Variants in DNM1L observed in about 807,000 individuals in gnomAD.
The protein encoded by DNM1L is dynamin-1-like protein.
In DNM1L, 33 loss-of-function variants were observed where a neutral mutation model predicts 92.8. That is an observed-to-expected ratio of 0.36 (90% CI 0.27 to 0.48). The LOEUF (loss-of-function observed/expected upper bound fraction) is 0.48, where lower values mean the gene tolerates loss of function less well. Ranked by LOEUF, DNM1L falls within the 20% of genes least tolerant of loss-of-function variation. The pLI, the probability that DNM1L is intolerant of heterozygous loss-of-function variation, is 0.99. For synonymous variants in DNM1L, 284 were observed against 305.0 expected, an observed-to-expected ratio of 0.93 and a Z score of 0.72; for missense variants, 485 against 888.8, an observed-to-expected ratio of 0.55 and a Z score of 5.78.
In DNM1L at chr12:32,731,945, T is replaced by G. The variant is rs1954581900; in HGVS notation, c.1446+2T>G. On this transcript the variant is annotated splice_donor_variant, in intron 12 of 19. Transcript: ENST00000549701. LOFTEE classifies it high-confidence loss of function. The surrounding 1 kb of genome is among the most constrained non-coding windows in gnomAD (Gnocchi z 5.1). ...AGGTTGCCTGTTACAAATGAAATGGTGAGCTACTATAGCATAGATCATTGT... is the reference window on the plus strand; with the variant it reads ...AGGTTGCCTGTTACAAATGAAATGGGGAGCTACTATAGCATAGATCATTGT... 1 of 1,605,852 alleles carries G rather than the reference T, an allele frequency of 6.2e-7. No homozygotes were observed. Among genetic ancestry groups the G allele is most frequent in the South Asian group, 1.1e-5 (1 of 90,908 alleles).
chr12:32,717,376 T>TATATATAATATATAGTATATATA (rs1367160249), intron 6 of DNM1L, among the ~76,000 whole-genome samples: 1 of 78,286 alleles, frequency 1.3e-5, no homozygotes, highest in Non-Finnish European at 2.3e-5. Context: ...ATATATATAC[T>TATATATAATATATAGTATATATA]ATATATAATA....
chr12:32,690,649 A>T (rs527705941), intron 1 of DNM1L, among the ~76,000 whole-genome samples: 2 of 152,342 alleles, frequency 1.3e-5, no homozygotes, highest in African/African-American at 4.8e-5. Flanking sequence ...TCTAAAACTC[A>T]GCTAACTCAT....
In DNM1L at chr12:32,701,494, G is replaced by C; in HGVS notation, c.182G>C (p.Arg61Thr). ...AGAGGTACTGGAATTGTCACCCGGAGACCTCTCATTCTGCAACTGGTCCAT... is the reference window on the plus strand; with the variant it reads ...AGAGGTACTGGAATTGTCACCCGGACACCTCTCATTCTGCAACTGGTCCAT... ...LPRGTGIVTR[R>T]PLILQLVHVS... Residue 61 changes from arginine (R) to threonine (T), a missense_variant, in exon 2 of 20, where the codon AGA becomes ACA. This residue lies in a region of DNM1L where 159 missense variants were observed against 275.9 expected (regional missense o/e 0.58). Coordinates refer to ENST00000549701, the MANE Select transcript of DNM1L (RefSeq NM_012062.5). 1 of 1,613,834 alleles carries C rather than the reference G, an allele frequency of 6.2e-7. No homozygotes were observed. Among genetic ancestry groups the C allele is most frequent in the South Asian group, 1.1e-5 (1 of 91,072 alleles).
chr12:32,681,290 A>G (rs1424368519), intron 1 of DNM1L, among the ~76,000 whole-genome samples: 3 of 152,214 alleles, frequency 2.0e-5, no homozygotes, highest in Non-Finnish European at 2.9e-5. Context: ...ACTCAAGTAC[A>G]GAAGAAATAC....
intron 2 of DNM1L, chr12:32,705,496 T>G (rs937970818): frequency 8.2e-5 from 18 of 220,812 alleles, no homozygotes; most frequent in African/African-American, 4.1e-4. Context: ...ATAACTACCT[T>G]CAGACAAGCC....
intron 2 of DNM1L, among the ~76,000 whole-genome samples, chr12:32,703,660 G>A (rs1043231556): frequency 5.3e-5 from 8 of 151,666 alleles, no homozygotes; most frequent in Non-Finnish European, 1.2e-4. Flanking sequence ...TTTTGTGTAG[G>A]GATTTTATTT....
intron 1 of DNM1L, among the ~76,000 whole-genome samples, chr12:32,699,975 C>CTAAATCTA (rs150977025): frequency 0.15 from 23,325 of 151,842 alleles, 1,885 homozygotes; most frequent in Middle Eastern, 0.21. Flanking sequence ...CTTAAATGAA[C>CTAAATCTA]TAAATCTAGT....
rs1418907873 is a variant in DNM1L, at chr12:32,703,882, G to C, written c.250+2320G>C. On this transcript the variant is annotated intron_variant, in intron 2 of 19. Coordinates refer to ENST00000549701, the MANE Select transcript of DNM1L (RefSeq NM_012062.5). ...GGATTCTTCATTCTGTCAACTGTGG[G>C]ATAACTGAGGTGTCAGTATGTAGAT... 2.0e-5 allele frequency among the ~76,000 whole-genome samples: 3 copies of C among 152,140 alleles called. No individual in the cohort carries two copies. The East Asian group carries it at 5.8e-4, about 29-fold the overall frequency.
rs114758300 is a variant in DNM1L, at chr12:32,692,692, A to T, written c.103-8723A>T. 9.2e-4 allele frequency: 140 copies of T among 152,436 alleles called. 2 individuals carry two copies. The highest frequency in any genetic ancestry group is 3.3e-3 in the Middle Eastern group (1 of 300). 9.4% of individuals were successfully genotyped at this position (152,436 alleles called of 1,614,324 possible). ...CATCAAATGAATCACAGTGCTACCA[A>T]ACTCCACACAGAACTAGTCACAGTG... On this transcript the variant is annotated intron_variant, in intron 1 of 19. Transcript: ENST00000549701.
chr12:32,740,796 AAATTTT>A (rs1203023250), intron 18 of DNM1L, among the ~76,000 whole-genome samples: 1 of 152,194 alleles, frequency 6.6e-6, no homozygotes, highest in East Asian at 1.9e-4. Flanking sequence ...TCTTTTTCCT[AAATTTT>A]AATTTAGTAG....
intron 9 of DNM1L, among the ~76,000 whole-genome samples, chr12:32,724,298 CCAGGCGCAG>C (rs1484615723): frequency 6.6e-6 from 1 of 152,046 alleles, no homozygotes; most frequent in African/African-American, 2.4e-5. Flanking sequence ...GCCACATTGG[CCAGGCGCAG>C]TGGCTCACGC....
At chr12:32,707,505 C>G (rs972465102) in intron 3 of DNM1L, 92 bp downstream of exon 3, 8 of 911,674 alleles carry the variant, frequency 8.8e-6, no homozygotes, top group African/African-American at 1.8e-5. Flanking sequence ...TTGGCAATTA[C>G]GTTATTTTAA....
At position 32,737,092 on chromosome 12, in the gene DNM1L, TTG is replaced by T. The variant is rs1954936642; in HGVS notation, c.1540-9_1540-8del. ...ACTTGGATAATCACTTTTGTTTTGC[TTG>T]TGTTTCTTAGGAACAAAGGAGAAAC... On this transcript the variant is annotated splice_polypyrimidine_tract_variant and intron_variant, in intron 13 of 19. Transcript: ENST00000549701. The T allele has an allele frequency of 1.9e-6, 3 of 1,613,656 alleles. No individual in the cohort carries two copies. Among genetic ancestry groups the T allele is most frequent in the East Asian group, 2.2e-5 (1 of 44,806 alleles).
intron 4 of DNM1L, among the ~76,000 whole-genome samples, chr12:32,708,873 A>G (rs138777959): frequency 6.0e-4 from 91 of 151,990 alleles, no homozygotes; most frequent in African/African-American, 2.1e-3. Flanking sequence ...TTTTCTCTTT[A>G]TATTTCAAGA....
intron 9 of DNM1L, among the ~76,000 whole-genome samples, chr12:32,723,687 C>CT (rs1414762291): frequency 1.6e-5 from 2 of 123,318 alleles, no homozygotes; most frequent in East Asian, 2.4e-4. Context: ...GAGCAAGACT[C>CT]TGTCTCAAAA....
intron 1 of DNM1L, among the ~76,000 whole-genome samples, chr12:32,695,133 A>G (rs1952386535): frequency 6.6e-6 from 1 of 152,220 alleles, no homozygotes; most frequent in South Asian, 2.1e-4. Context: ...AACAGGGCCA[A>G]GATACCTCAG....
chr12:32,697,413 A>G (rs934624903), intron 1 of DNM1L, among the ~76,000 whole-genome samples: 3 of 152,140 alleles, frequency 2.0e-5, no homozygotes, highest in Non-Finnish European at 2.9e-5. Flanking sequence ...AGAAGATATG[A>G]TCTGTAAAGG....
chr12:32,717,600 A>AATATAT (rs1390335710), intron 6 of DNM1L, among the ~76,000 whole-genome samples: 9 of 113,592 alleles, frequency 7.9e-5, no homozygotes, highest in African/African-American at 2.7e-4. Flanking sequence ...ATATATAAAA[A>AATATAT]ATACATATAC....
At chr12:32,720,582 A>C in intron 7 of DNM1L, 82 bp from the exon 8 acceptor site, 1 of 1,579,278 alleles carries the variant, frequency 6.3e-7, no homozygotes, top group East Asian at 2.2e-5. Context: ...GTATTAGAGA[A>C]CAATGCCTGG....
Sources: gnomAD v4.1 joint callset for allele counts (sites outside exome capture counted in the v4.1 genomes callset) on GRCh38, gnomAD v4.1.1 for gene constraint, gnomAD v4.1.1 regional missense constraint, Gnocchi (gnomAD v3.1) non-coding constraint, MANE v1.5 for transcripts, NCBI Gene and HGNC (gene_info 2026-07-23, HGNC 2026-07-21) for gene names.